YPEL1: variants seen among roughly 807,000 people sequenced by gnomAD.
YPEL1 encodes the protein protein yippee-like 1.
YPEL1 carries 7 observed loss-of-function variants against 17.3 expected under a neutral mutation model. That is an observed-to-expected ratio of 0.40 (90% CI 0.23 to 0.76). The LOEUF is 0.76. Ranked by LOEUF, YPEL1 falls within the 30% of genes least tolerant of loss-of-function variation. The pLI is 0.35. For missense variants in YPEL1, 91 were observed against 155.5 expected (o/e 0.59, Z 2.21); for synonymous variants, 59 against 59.6 (o/e 0.99, Z 0.05).
chr22:21,714,480 C>G (rs933476867), intron 1 of YPEL1, among the ~76,000 whole-genome samples: 3 of 152,202 alleles, frequency 2.0e-5, no homozygotes, highest in African/African-American at 7.2e-5. Context: ...CCAAGTCTGC[C>G]TCTGTCCCCA....
At chr22:21,720,177 CAAA>C (rs1292044683) in intron 1 of YPEL1, among the ~76,000 whole-genome samples, 8 of 81,474 alleles carry the variant, frequency 9.8e-5, no homozygotes, top group Non-Finnish European at 1.1e-4. Flanking sequence ...GACTCTGTAT[CAAA>C]AAAAAAAAAA....
intron 2 of YPEL1, among the ~76,000 whole-genome samples, chr22:21,709,544 G>C (rs1226565829): frequency 6.6e-6 from 1 of 152,168 alleles, no homozygotes; most frequent in African/African-American, 2.4e-5. Context: ...GGGAGGCCAA[G>C]GCAGGAGGAT....
intron 1 of YPEL1, among the ~76,000 whole-genome samples, chr22:21,735,118 T>C (rs2068423832): frequency 6.6e-6 from 1 of 152,092 alleles, no homozygotes; most frequent in Non-Finnish European, 1.5e-5. Context: ...GCTTTTGCAA[T>C]CTCTGTTAAC....
In YPEL1 at chr22:21,735,733, C is replaced by T. The variant is rs972951911; in HGVS notation, c.-283G>A. Reference sequence around the variant, plus strand: ...CCGGGACGCGCTGAGGCCGTTAACGCCTAGGCAGGGCGCGAGGCATCCTCC... The same window carrying T: ...CCGGGACGCGCTGAGGCCGTTAACGTCTAGGCAGGGCGCGAGGCATCCTCC... On this transcript the variant is annotated 5_prime_UTR_variant, in exon 1 of 5. Coordinates refer to ENST00000339468, the MANE Select transcript of YPEL1 (RefSeq NM_013313.5). 35 of 151,048 alleles carry T rather than the reference C, an allele frequency of 2.3e-4. No homozygotes were observed. The highest frequency in any genetic ancestry group is 8.0e-4 in the African/African-American group (33 of 41,420). The allele number at this position is 151,048 out of a possible 1,614,324, so 9.4% of individuals were successfully genotyped here.
chr22:21,716,055 C>G (rs1316347386), intron 1 of YPEL1, among the ~76,000 whole-genome samples: 5 of 152,162 alleles, frequency 3.3e-5, no homozygotes, highest in Admixed American at 3.3e-4. Context: ...AGCCACTGCG[C>G]CTGGCCCTAC....
chr22:21,733,942 T>C (rs1342531066), intron 1 of YPEL1, among the ~76,000 whole-genome samples: 2 of 152,114 alleles, frequency 1.3e-5, no homozygotes, highest in African/African-American at 2.4e-5. Flanking sequence ...TGGTGAGGTA[T>C]AGCAGCTCAA....
intron 1 of YPEL1, among the ~76,000 whole-genome samples, chr22:21,712,301 TATATTCTCTCTATAC>T (rs2068174158): frequency 6.6e-6 from 1 of 151,098 alleles, no homozygotes; most frequent in Non-Finnish European, 1.5e-5. Context: ...ACATATATTC[TATATTCTCTCTATAC>T]ATATTCTCTA....
intron 2 of YPEL1, among the ~76,000 whole-genome samples, chr22:21,710,134 A>G (rs1440314591): frequency 6.6e-6 from 1 of 152,142 alleles, no homozygotes; most frequent in East Asian, 1.9e-4. Flanking sequence ...AAGGCTGCTC[A>G]TGGGTTCTAT....
chr22:21,716,639 A>G (rs1468308415), intron 1 of YPEL1, among the ~76,000 whole-genome samples: 1 of 152,294 alleles, frequency 6.6e-6, no homozygotes, highest in Non-Finnish European at 1.5e-5. Flanking sequence ...CAGCGCCCTG[A>G]GGTACCTGGC....
intron 1 of YPEL1, among the ~76,000 whole-genome samples, chr22:21,718,264 C>T (rs536321532): frequency 6.6e-6 from 1 of 151,718 alleles, no homozygotes; most frequent in African/African-American, 2.4e-5. Flanking sequence ...GAGATGGAGA[C>T]CATCCTGGCT....
At position 21,731,212 on chromosome 22, in the gene YPEL1, T is replaced by TA. The variant is rs143088843; in HGVS notation, c.-165+4402dup. Among the ~76,000 whole-genome samples the TA allele has an allele frequency of 5.3e-3, 798 of 150,700 alleles. 21 individuals are homozygous for TA. Among genetic ancestry groups the TA allele is most frequent in the East Asian group, 0.034 (172 of 5,120 alleles). On this transcript the variant is annotated intron_variant, in intron 1 of 4. Coordinates refer to ENST00000339468, the MANE Select transcript of YPEL1 (RefSeq NM_013313.5). ...GGGCAACATGGCGAAAACCCGTCTC[T>TA]AAAAAAAAATTTAAAAATTAACCAG...
At chr22:21,714,169 C>T (rs993751753) in intron 1 of YPEL1, among the ~76,000 whole-genome samples, 2 of 152,156 alleles carry the variant, frequency 1.3e-5, no homozygotes. Flanking sequence ...GGGTCACCTT[C>T]TCACATCTGG....
At chr22:21,708,985 T>A (rs2068140289) in intron 2 of YPEL1, among the ~76,000 whole-genome samples, 1 of 152,160 alleles carries the variant, frequency 6.6e-6, no homozygotes, top group South Asian at 2.1e-4. Flanking sequence ...ATACAATTTT[T>A]AAAACAGCTC....
intron 1 of YPEL1, among the ~76,000 whole-genome samples, chr22:21,726,562 C>T (rs1249699423): frequency 6.6e-6 from 1 of 152,126 alleles, no homozygotes; most frequent in African/African-American, 2.4e-5. Flanking sequence ...GGGAGGGGAC[C>T]CTCTGACCAC....
At position 21,717,205 on chromosome 22, in the gene YPEL1, G is replaced by A. The variant is rs182877567; in HGVS notation, c.-164-6297C>T. On this transcript the variant is annotated intron_variant, in intron 1 of 4. Transcript: ENST00000339468. ...AGCCTGGCCAACACGGTGAAACCCC[G>A]TCTCTACTAAAAATACAAAAATTAG... is the stretch of plus-strand genomic sequence containing the variant. Among the ~76,000 whole-genome samples, 524 of 152,004 alleles carry A rather than the reference G, an allele frequency of 3.4e-3. 1 individual carries two copies. The highest frequency in any genetic ancestry group is 8.1e-3 in the Admixed American group (123 of 15,254).
chr22:21,703,337 CT>C lies in YPEL1; in HGVS notation c.270+32del, dbSNP rs2068083362. ...CAGTGGCAACTTAGTGCCACATCCC[CT>C]TGTGGCACGAGCATCCCCTTGTGGC... On this transcript the variant is annotated intron_variant, in intron 4 of 4. Transcript: ENST00000339468. The surrounding 1 kb of genome is among the most constrained non-coding windows in gnomAD (Gnocchi z 6.1). The C allele has an allele frequency of 6.3e-7, 1 of 1,589,436 alleles. No individual in the cohort carries two copies. The highest frequency in any genetic ancestry group is 1.3e-5 in the African/African-American group (1 of 74,512).
chr22:21,703,523 C>G lies in YPEL1; in HGVS notation c.162-45G>C. The G allele has an allele frequency of 6.4e-7, 1 of 1,551,688 alleles. No homozygotes were observed. Among genetic ancestry groups the G allele is most frequent in the Admixed American group, 1.7e-5 (1 of 59,668 alleles). On this transcript the variant is annotated intron_variant, in intron 3 of 4. Coordinates refer to ENST00000339468, the MANE Select transcript of YPEL1 (RefSeq NM_013313.5). This position sits in a 1 kb window ranked among gnomAD's most constrained non-coding sequence, Gnocchi z 6.1. ...ACTGCGCTGCAGGCCCGGCCCGCCC[C>G]TGACCAGGCCCTGCCCCCTCAGCGG...
chr22:21,734,358 G>C (rs1030677651), intron 1 of YPEL1, among the ~76,000 whole-genome samples: 2 of 152,176 alleles, frequency 1.3e-5, no homozygotes, highest in Admixed American at 1.3e-4. Context: ...TGTAGGATGG[G>C]GTAAGGATAG....
intron 1 of YPEL1, among the ~76,000 whole-genome samples, chr22:21,722,101 A>T (rs1271166435): frequency 1.3e-5 from 2 of 152,208 alleles, no homozygotes; most frequent in Non-Finnish European, 2.9e-5. Context: ...AACATGGTAT[A>T]CACATACAGG....
Sources: allele counts gnomAD v4.1 joint callset (sites outside exome capture counted in the v4.1 genomes callset), GRCh38; gene constraint gnomAD v4.1.1; non-coding constraint Gnocchi (gnomAD v3.1); transcripts MANE v1.5; gene names NCBI Gene and HGNC (gene_info 2026-07-23, HGNC 2026-07-21).